Variants in RNF168 observed in about 807,000 individuals in gnomAD.
RNF168 encodes E3 ubiquitin-protein ligase RNF168.
In RNF168, 34 loss-of-function variants were observed where a neutral mutation model predicts 34.9. That is an observed-to-expected ratio of 0.97 (90% CI 0.74 to 1.30). The LOEUF (loss-of-function observed/expected upper bound fraction) is 1.30. RNF168 is among the 50% of genes most tolerant of loss of function. The pLI is 0.00. For synonymous variants in RNF168, 264 were observed against 254.7 expected, an observed-to-expected ratio of 1.04 and a Z score of -0.35; for missense variants, 725 against 682.5, an observed-to-expected ratio of 1.06 and a Z score of -0.69.
chr3:196,500,962 C>T (rs1577525409), intron 1 of RNF168, among the ~76,000 whole-genome samples: 1 of 152,286 alleles, frequency 6.6e-6, no homozygotes, highest in South Asian at 2.1e-4. Context: ...CCGCCCGCCT[C>T]GGCCTCCCAA....
intron 1 of RNF168, 114 bp downstream of exon 1, chr3:196,502,759 A>C: frequency 1.1e-6 from 1 of 900,856 alleles, no homozygotes; most frequent in South Asian, 1.4e-5. Context: ...AACTATTTAG[A>C]CAAATACTAG....
intron 1 of RNF168, among the ~76,000 whole-genome samples, chr3:196,496,039 T>G (rs1362770447): frequency 1.3e-5 from 2 of 152,228 alleles, no homozygotes; most frequent in East Asian, 1.9e-4. Flanking sequence ...ATTCACTTTA[T>G]GTATTATGTG....
intron 1 of RNF168, among the ~76,000 whole-genome samples, chr3:196,497,941 C>A (rs772789539): frequency 5.9e-5 from 9 of 151,982 alleles, no homozygotes; most frequent in Non-Finnish European, 1.2e-4. Flanking sequence ...TGGAAGAGGG[C>A]AAAACTGTCA....
intron 4 of RNF168, among the ~76,000 whole-genome samples, chr3:196,482,210 TTAC>T (rs1732309560): frequency 6.6e-6 from 1 of 152,118 alleles, no homozygotes; most frequent in Non-Finnish European, 1.5e-5. Context: ...CCAACAAAAT[TTAC>T]TCTTTAATCA....
intron 1 of RNF168, among the ~76,000 whole-genome samples, chr3:196,495,969 A>G (rs1732733765): frequency 6.6e-6 from 1 of 151,872 alleles, no homozygotes; most frequent in South Asian, 2.1e-4. Flanking sequence ...AAGCTATCTC[A>G]TATGTGCTTT....
intron 1 of RNF168, among the ~76,000 whole-genome samples, chr3:196,500,865 A>C (rs369223076): frequency 0.049 from 7,166 of 146,482 alleles, 254 homozygotes; most frequent in Middle Eastern, 0.16. Context: ...GCGCGTGCCA[A>C]CATGCCCGGC....
intron 4 of RNF168, among the ~76,000 whole-genome samples, chr3:196,478,824 G>A (rs563272031): frequency 2.0e-5 from 3 of 146,624 alleles, no homozygotes; most frequent in Admixed American, 1.4e-4. Context: ...GCACCACCAT[G>A]CCCAGCGAAT....
chr3:196,494,758 C>T (rs961357468), intron 1 of RNF168, among the ~76,000 whole-genome samples: 1 of 152,204 alleles, frequency 6.6e-6, no homozygotes, highest in African/African-American at 2.4e-5. Context: ...GCAAAGTGCT[C>T]ACACCTGTGA....
intron 3 of RNF168, among the ~76,000 whole-genome samples, 182 bp downstream of exon 3, chr3:196,487,217 T>C (rs1195705409): frequency 2.0e-5 from 3 of 152,368 alleles, no homozygotes; most frequent in Non-Finnish European, 2.9e-5. Flanking sequence ...GGAATGTTAA[T>C]AGTTAGCTTT....
intron 3 of RNF168, among the ~76,000 whole-genome samples, chr3:196,486,428 G>A (rs916098299): frequency 6.6e-6 from 1 of 152,118 alleles, no homozygotes; most frequent in Admixed American, 6.6e-5. Flanking sequence ...AAACTCCTGG[G>A]CTCAAGGGAT....
Position 196,493,003 on chromosome 3 carries a change from G to A in RNF168, c.302-4320C>T, listed in dbSNP as rs374747129. Among the ~76,000 whole-genome samples the A allele has an allele frequency of 5.3e-5, 8 of 151,894 alleles. No homozygotes were observed. The East Asian group carries it at 9.6e-4, about 18-fold the overall frequency. Reference sequence around the variant, plus strand: ...AATGGAAAAAAACAAAACTATAAACGACTAAGAAGAACATATGAGATAAAT... The same window carrying A: ...AATGGAAAAAAACAAAACTATAAACAACTAAGAAGAACATATGAGATAAAT... On this transcript the variant is annotated intron_variant, in intron 1 of 5. Coordinates refer to ENST00000318037, the MANE Select transcript of RNF168 (RefSeq NM_152617.4).
chr3:196,478,664 TTTAG>T (rs1165754464), intron 4 of RNF168, among the ~76,000 whole-genome samples: 5 of 151,726 alleles, frequency 3.3e-5, no homozygotes, highest in African/African-American at 1.2e-4. Flanking sequence ...TTTTGTTTAT[TTTAG>T]TTATTTTATT....
At chr3:196,491,089 C>T (rs546807211) in intron 1 of RNF168, among the ~76,000 whole-genome samples, 2,136 of 151,820 alleles carry the variant, frequency 0.014, 22 homozygotes, top group Non-Finnish European at 0.022. Context: ...CTGAGGCAGG[C>T]GGATCATGAG....
intron 4 of RNF168, among the ~76,000 whole-genome samples, chr3:196,480,461 G>C (rs1293889693): frequency 6.6e-6 from 1 of 152,168 alleles, no homozygotes; most frequent in Non-Finnish European, 1.5e-5. Flanking sequence ...TTATTGATTA[G>C]TATTGTGTGA....
intron 1 of RNF168, 50 bp from the exon 2 acceptor site, chr3:196,488,733 G>A: frequency 8.4e-7 from 1 of 1,187,640 alleles, no homozygotes; most frequent in Non-Finnish European, 1.3e-6. Flanking sequence ...ACAATTTTAT[G>A]GTAACTTTGG....
chr3:196,469,397 A>T lies in RNF168; in HGVS notation c.*2422T>A, dbSNP rs906690329. ...ATTAGCACAGAATTTATAATTACCC[A>T]ATCAGCATTGACATAGATGCCATCA... is the stretch of plus-strand genomic sequence containing the variant. On this transcript the variant is annotated 3_prime_UTR_variant, in exon 6 of 6. Transcript: ENST00000318037. The T allele has an allele frequency of 6.6e-6, 1 of 152,212 alleles. No individual in the cohort carries two copies. The highest frequency in any genetic ancestry group is 1.5e-5 in the Non-Finnish European group (1 of 68,044). The allele number at this position is 152,212 out of a possible 1,614,324, so 9.4% of individuals were successfully genotyped here. A position where few individuals can be genotyped will look rare whatever the true frequency, so the allele number is the denominator to read the frequency against.
chr3:196,488,922 G>A (rs1206826557), intron 1 of RNF168, among the ~76,000 whole-genome samples: 1 of 152,032 alleles, frequency 6.6e-6, no homozygotes, highest in Admixed American at 6.6e-5. Flanking sequence ...CACAGTCTCG[G>A]CTCACTGCAA....
rs1350566357 is a variant in RNF168 at position 196,471,606 on chromosome 3, T to A, written c.*213A>T. On this transcript the variant is annotated 3_prime_UTR_variant, in exon 6 of 6. Coordinates refer to ENST00000318037, the MANE Select transcript of RNF168 (RefSeq NM_152617.4). ...TGTAAAGCTTAATACACATCTGTTA[T>A]TAAGAAGGGAAACGACAGGGGACCC... 1.8e-6 allele frequency: 1 copy of A among 562,200 alleles called. No homozygotes were observed. Among genetic ancestry groups the A allele is most frequent in the Non-Finnish European group, 3.2e-6 (1 of 313,670 alleles). The allele number at this position is 562,200 out of a possible 1,614,324, so 34.8% of individuals were successfully genotyped here.
intron 3 of RNF168, among the ~76,000 whole-genome samples, chr3:196,484,473 C>CTT (rs377178675): frequency 2.0e-4 from 19 of 97,430 alleles, no homozygotes; most frequent in Non-Finnish European, 3.6e-4. Context: ...CGCGCCCGGC[C>CTT]TTTTTTTTTT....
Sources: gnomAD v4.1 joint callset for allele counts (sites outside exome capture counted in the v4.1 genomes callset) on GRCh38, gnomAD v4.1.1 for gene constraint, MANE v1.5 for transcripts, NCBI Gene and HGNC (gene_info 2026-07-23, HGNC 2026-07-21) for gene names.